Variants in MYLK4 observed in about 807,000 individuals in gnomAD.
The protein encoded by MYLK4 is myosin light chain kinase family member 4.
In MYLK4, 46 loss-of-function variants were observed where a neutral mutation model predicts 48.1. That is an observed-to-expected ratio of 0.96 (90% CI 0.75 to 1.22). The LOEUF (loss-of-function observed/expected upper bound fraction) is 1.22, where lower values mean the gene tolerates loss of function less well. Among genes scored for constraint, MYLK4 ranks in the 50% most tolerant of loss-of-function variants. MYLK4 has a pLI of 0.00. For synonymous variants in MYLK4, 170 were observed against 180.8 expected, an observed-to-expected ratio of 0.94 and a Z score of 0.48; for missense variants, 451 against 486.1, an observed-to-expected ratio of 0.93 and a Z score of 0.68.
intron 4 of MYLK4, among the ~76,000 whole-genome samples, chr6:2,686,123 T>G (rs950328386): frequency 1.3e-5 from 2 of 151,356 alleles, no homozygotes; most frequent in South Asian, 2.1e-4. Flanking sequence ...TCCAGGATTC[T>G]GGGCCCTACC....
chr6:2,762,923 T>G, the MYLK4 span, among the ~76,000 whole-genome samples: 1 of 152,190 alleles, frequency 6.6e-6, no homozygotes, highest in Admixed American at 6.5e-5. Context: ...CAGTGAGTAT[T>G]ACCACTCATT....
chr6:2,674,567 T>G (rs1378462688), intron 11 of MYLK4, among the ~76,000 whole-genome samples: 2 of 152,226 alleles, frequency 1.3e-5, no homozygotes, highest in African/African-American at 4.8e-5. Context: ...TTTTAAAATG[T>G]AAACTGCTCA....
chr6:2,728,859 A>C (rs1009245570), intron 2 of MYLK4, among the ~76,000 whole-genome samples: 1 of 152,186 alleles, frequency 6.6e-6, no homozygotes, highest in African/African-American at 2.4e-5. Context: ...CCAAGAAGCT[A>C]TCTCTGCTGC....
intron 2 of MYLK4, among the ~76,000 whole-genome samples, chr6:2,741,458 T>C (rs1373620647): frequency 1.3e-5 from 2 of 152,230 alleles, no homozygotes; most frequent in Non-Finnish European, 2.9e-5. Flanking sequence ...TGAAACAACA[T>C]ACACATAAGT....
At chr6:2,728,492 G>A (rs558234102) in intron 2 of MYLK4, among the ~76,000 whole-genome samples, 17 of 151,924 alleles carry the variant, frequency 1.1e-4, no homozygotes, top group South Asian at 4.2e-4. Context: ...TCCCGCAGCC[G>A]ACCTGCCTTG....
intron 2 of MYLK4, 111 bp from the exon 3 acceptor site, chr6:2,692,970 G>A: frequency 4.1e-6 from 4 of 979,918 alleles, no homozygotes; most frequent in Non-Finnish European, 6.1e-6. Flanking sequence ...AATGTCACGA[G>A]CATTACAGGA....
At chr6:2,735,665 T>C (rs988818764) in intron 2 of MYLK4, among the ~76,000 whole-genome samples, 1 of 152,142 alleles carries the variant, frequency 6.6e-6, no homozygotes, top group Non-Finnish European at 1.5e-5. Flanking sequence ...CATGACATAG[T>C]ATTTATCACA....
chr6:2,743,959 G>C (rs1042457560), intron 2 of MYLK4: 2 of 398,666 alleles, frequency 5.0e-6, no homozygotes, highest in African/African-American at 4.1e-5. Flanking sequence ...ACCGGATCAA[G>C]CACCAGAGAA....
the MYLK4 span, among the ~76,000 whole-genome samples, chr6:2,768,488 T>C: frequency 1.2e-3 from 188 of 152,364 alleles, no homozygotes; most frequent in African/African-American, 4.4e-3. Flanking sequence ...GTTTAGCTAC[T>C]TTCCTGTTTT....
intron 2 of MYLK4, among the ~76,000 whole-genome samples, chr6:2,742,617 G>A (rs1763936207): frequency 6.7e-6 from 1 of 149,768 alleles, no homozygotes; most frequent in Non-Finnish European, 1.5e-5. Flanking sequence ...CTATCGCAAG[G>A]ACAAAAAACC....
chr6:2,766,060 C>T, the MYLK4 span: 3 of 1,293,356 alleles, frequency 2.3e-6, no homozygotes, highest in Admixed American at 4.2e-5. Context: ...CGGCGGCCGC[C>T]GCCGCGGCGG....
chr6:2,713,974 A>G (rs1200743723), intron 2 of MYLK4, among the ~76,000 whole-genome samples: 1 of 152,230 alleles, frequency 6.6e-6, no homozygotes, highest in Non-Finnish European at 1.5e-5. Context: ...ACCCATTAGG[A>G]TGTCTACTGA....
the MYLK4 span, among the ~76,000 whole-genome samples, chr6:2,762,916 T>G: frequency 6.6e-6 from 1 of 152,172 alleles, no homozygotes; most frequent in Non-Finnish European, 1.5e-5. Flanking sequence ...GTCTCCACAG[T>G]GAGTATTACC....
chr6:2,763,407 C>G, the MYLK4 span, among the ~76,000 whole-genome samples: 32 of 152,334 alleles, frequency 2.1e-4, no homozygotes, highest in Non-Finnish European at 4.0e-4. Flanking sequence ...CTCAGGGAGG[C>G]TTGGGCCGCG....
chr6:2,768,001 C>T, the MYLK4 span, among the ~76,000 whole-genome samples: 1 of 152,310 alleles, frequency 6.6e-6, no homozygotes, highest in Admixed American at 6.5e-5. Flanking sequence ...TTCAGTTTTT[C>T]TTCTCATCCT....
chr6:2,715,534 ACATTAC>A (rs1156263387), intron 2 of MYLK4, among the ~76,000 whole-genome samples: 1 of 152,212 alleles, frequency 6.6e-6, no homozygotes, highest in East Asian at 1.9e-4. Context: ...CGTGGTGTTA[ACATTAC>A]CTGTTGTATG....
intron 2 of MYLK4, among the ~76,000 whole-genome samples, chr6:2,702,055 G>A (rs957676262): frequency 1.3e-5 from 2 of 152,174 alleles, no homozygotes; most frequent in Admixed American, 6.5e-5. Flanking sequence ...ACTGGGGGCC[G>A]CATGCCGCTG....
At chr6:2,698,093 C>A (rs189041194) in intron 2 of MYLK4, among the ~76,000 whole-genome samples, 4 of 152,332 alleles carry the variant, frequency 2.6e-5, no homozygotes, top group Admixed American at 2.6e-4. Context: ...ACAGTTGCTG[C>A]AGAAAATTGT....
the MYLK4 span, among the ~76,000 whole-genome samples, chr6:2,763,182 T>C: frequency 6.6e-6 from 1 of 152,326 alleles, no homozygotes; most frequent in African/African-American, 2.4e-5. Flanking sequence ...TTGAGCTAGA[T>C]ACAGAGTGCC....
Sources: gnomAD v4.1 joint callset for allele counts (sites outside exome capture counted in the v4.1 genomes callset) on GRCh38, gnomAD v4.1.1 for gene constraint, MANE v1.5 for transcripts, NCBI Gene and HGNC (gene_info 2026-07-23, HGNC 2026-07-21) for gene names.